Variants in ERBB4 observed in about 807,000 individuals in gnomAD.
The protein encoded by ERBB4 is erb-b2 receptor tyrosine kinase 4.
ERBB4 carries 42 observed loss-of-function variants against 158.0 expected under a neutral mutation model. The observed-to-expected ratio is 0.27, with a 90% CI of 0.21 to 0.34. The LOEUF is 0.34. Among genes scored for constraint, ERBB4 ranks in the 10% least tolerant of loss-of-function variants. The pLI, the probability that ERBB4 is intolerant of heterozygous loss-of-function variation, is 1.00. For missense variants in ERBB4, 1,333 were observed against 1,624.1 expected (o/e 0.82, Z 3.08); for synonymous variants, 583 against 558.7 (o/e 1.04, Z -0.61).
At position 212,506,531 on chromosome 2, in the gene ERBB4, C is replaced by CA. The variant is rs570836627; in HGVS notation, c.82+31917dup. ...GCTCCAGTGAACACACAAATGATAA[C>CA]AAAAAAAAAAAAAAGTCAAACAGCC... On this transcript the variant is annotated intron_variant, in intron 1 of 27. Transcript: ENST00000342788. 6.9e-3 allele frequency among the ~76,000 whole-genome samples: 882 copies of CA among 127,020 alleles called. 6 individuals carry two copies. Among genetic ancestry groups the CA allele is most frequent in the Middle Eastern group, 0.02 (5 of 248 alleles). The allele number at this position is 127,020 out of a possible 152,430, so 83.3% of individuals were successfully genotyped here.
intron 1 of ERBB4, among the ~76,000 whole-genome samples, chr2:212,457,618 A>G (rs1230332791): frequency 6.6e-6 from 1 of 152,176 alleles, no homozygotes; most frequent in East Asian, 1.9e-4. Context: ...TTACTTCTAC[A>G]TCTGTTATCT....
chr2:211,630,719 C>A (rs972256188), intron 16 of ERBB4, 125 bp from the exon 17 acceptor site: 1 of 901,624 alleles, frequency 1.1e-6, no homozygotes, highest in Non-Finnish European at 1.7e-6. Flanking sequence ...AGATGAAATG[C>A]AAATATAAAA....
In ERBB4 at chr2:212,121,796, C is replaced by A. The variant is rs190836393; in HGVS notation, c.234+2956G>T. On this transcript the variant is annotated intron_variant, in intron 2 of 27. Transcript: ENST00000342788. Reference sequence around the variant, plus strand: ...TACACACTAAGTACACATTTATTAACTCTGATTCAGGGGCTTCCTTCTAAG... The same window carrying A: ...TACACACTAAGTACACATTTATTAAATCTGATTCAGGGGCTTCCTTCTAAG... Among the ~76,000 whole-genome samples the A allele has an allele frequency of 6.6e-5, 10 of 152,240 alleles. No homozygotes were observed. In the East Asian group the frequency reaches 1.7e-3, roughly 26 times the overall value.
At chr2:211,846,049 G>GT (rs1348104933) in intron 3 of ERBB4, among the ~76,000 whole-genome samples, 4 of 87,532 alleles carry the variant, frequency 4.6e-5, no homozygotes, top group Non-Finnish European at 9.8e-5. Flanking sequence ...ACTGTTAATT[G>GT]TTGTTTTTTT....
chr2:211,672,156 T>C (rs968292696), intron 14 of ERBB4, among the ~76,000 whole-genome samples: 1 of 152,110 alleles, frequency 6.6e-6, no homozygotes, highest in Non-Finnish European at 1.5e-5. Flanking sequence ...TATATATATT[T>C]TTTCTAAGCT....
chr2:211,614,680 C>T (rs1415368047), intron 19 of ERBB4, among the ~76,000 whole-genome samples: 2 of 151,944 alleles, frequency 1.3e-5, no homozygotes, highest in Non-Finnish European at 2.9e-5. Flanking sequence ...AATACCTTTT[C>T]AAATAATTTT....
rs553028722 is a variant in ERBB4 at position 211,730,374 on chromosome 2, G to A, written c.623-5180C>T. Reference sequence around the variant, plus strand: ...CAAGACAAAAGATCTCTGTTCGCCCGTTAACAATAGAAATAAGGATAAATT... The same window carrying A: ...CAAGACAAAAGATCTCTGTTCGCCCATTAACAATAGAAATAAGGATAAATT... On this transcript the variant is annotated intron_variant, in intron 5 of 27. Coordinates refer to ENST00000342788, the MANE Select transcript of ERBB4 (RefSeq NM_005235.3). Among the ~76,000 whole-genome samples, 16 of 152,020 alleles carry A rather than the reference G, an allele frequency of 1.1e-4. No individual in the cohort carries two copies. The South Asian group carries it at 2.1e-3, about 20-fold the overall frequency.
intron 1 of ERBB4, among the ~76,000 whole-genome samples, chr2:212,204,928 C>T (rs2082700035): frequency 1.3e-5 from 2 of 150,116 alleles, no homozygotes; most frequent in South Asian, 4.2e-4. Flanking sequence ...AAACGATTCT[C>T]CTGCCTCAGC....
At chr2:211,535,027 A>C (rs1325050845) in intron 20 of ERBB4, among the ~76,000 whole-genome samples, 2 of 152,038 alleles carry the variant, frequency 1.3e-5, no homozygotes, top group Non-Finnish European at 2.9e-5. Flanking sequence ...TATACATTCT[A>C]ACTGGTTTTT....
At chr2:212,071,415 G>T (rs2078114220) in intron 2 of ERBB4, among the ~76,000 whole-genome samples, 1 of 151,684 alleles carries the variant, frequency 6.6e-6, no homozygotes, top group Non-Finnish European at 1.5e-5. Context: ...TTCTAAAGGA[G>T]GTGGCCACAG....
At chr2:211,653,679 G>T (rs1454688476) in intron 16 of ERBB4, among the ~76,000 whole-genome samples, 2 of 151,614 alleles carry the variant, frequency 1.3e-5, no homozygotes, top group Non-Finnish European at 2.9e-5. Context: ...TTTCTTTTTT[G>T]GGGGGGTTTG....
At chr2:212,018,500 A>T (rs193242865) in intron 2 of ERBB4, among the ~76,000 whole-genome samples, 3 of 152,308 alleles carry the variant, frequency 2.0e-5, no homozygotes, top group Non-Finnish European at 4.4e-5. Flanking sequence ...AAGACCTTAA[A>T]TTATCATCTT....
intron 2 of ERBB4, among the ~76,000 whole-genome samples, chr2:211,978,431 T>TATCC (rs2081693177): frequency 6.6e-6 from 1 of 151,944 alleles, no homozygotes; most frequent in Non-Finnish European, 1.5e-5. Flanking sequence ...TCTATCTATC[T>TATCC]ATCTATCTAA....
chr2:212,220,229 G>T (rs2083250462), intron 1 of ERBB4, among the ~76,000 whole-genome samples: 1 of 151,236 alleles, frequency 6.6e-6, no homozygotes, highest in Non-Finnish European at 1.5e-5. Flanking sequence ...CAATATTTTT[G>T]AGTATATAAG....
At chr2:212,253,367 T>C (rs1230242564) in intron 1 of ERBB4, among the ~76,000 whole-genome samples, 1 of 152,170 alleles carries the variant, frequency 6.6e-6, no homozygotes, top group African/African-American at 2.4e-5. Context: ...AGGTAGTTAT[T>C]ATATGACTAC....
chr2:211,686,856 T>C (rs912720672), intron 12 of ERBB4, among the ~76,000 whole-genome samples: 4 of 152,204 alleles, frequency 2.6e-5, no homozygotes, highest in African/African-American at 9.6e-5. Flanking sequence ...CCTTTAGTTT[T>C]ATTTCTTTTT....
intron 3 of ERBB4, among the ~76,000 whole-genome samples, chr2:211,935,532 G>T (rs2080297530): frequency 6.6e-6 from 1 of 152,106 alleles, no homozygotes; most frequent in Non-Finnish European, 1.5e-5. Flanking sequence ...GTGGCTCCCT[G>T]CACCCTAAGG....
chr2:211,782,771 T>C (rs1282896711), intron 4 of ERBB4, among the ~76,000 whole-genome samples: 3 of 152,224 alleles, frequency 2.0e-5, no homozygotes, highest in Non-Finnish European at 2.9e-5. Context: ...TTTGGGTTAC[T>C]GTAGCCTTGT....
intron 2 of ERBB4, among the ~76,000 whole-genome samples, chr2:212,020,410 T>C (rs1217452689): frequency 1.3e-5 from 2 of 152,120 alleles, no homozygotes; most frequent in South Asian, 2.1e-4. Context: ...CCAGGTTTAC[T>C]GAATCCTAGG....
Sources: allele counts gnomAD v4.1 joint callset (sites outside exome capture counted in the v4.1 genomes callset), GRCh38; gene constraint gnomAD v4.1.1; transcripts MANE v1.5; gene names NCBI Gene and HGNC (gene_info 2026-07-23, HGNC 2026-07-21).